Variants in CBX5 observed in about 807,000 individuals in gnomAD.
CBX5 encodes chromobox 5.
CBX5 carries 7 observed loss-of-function variants against 20.7 expected under a neutral mutation model. The observed-to-expected ratio is 0.34, with a 90% CI of 0.19 to 0.63. CBX5 has a LOEUF of 0.63. Ranked by LOEUF, CBX5 falls within the 30% of genes least tolerant of loss-of-function variation. CBX5 has a pLI of 0.75. For missense variants in CBX5, 110 were observed against 224.1 expected, an observed-to-expected ratio of 0.49 and a Z score of 3.25; for synonymous variants, 78 against 77.0, an observed-to-expected ratio of 1.01 and a Z score of -0.07.
chr12:54,279,707 G>T (rs370476462), intron 1 of CBX5, among the ~76,000 whole-genome samples: 5 of 152,162 alleles, frequency 3.3e-5, no homozygotes, highest in African/African-American at 9.7e-5. Context: ...TCAGTGAGAC[G>T]CTGCTCAGAA....
At chr12:54,261,052 A>G (rs891280805) in intron 1 of CBX5, among the ~76,000 whole-genome samples, 1 of 151,858 alleles carries the variant, frequency 6.6e-6, no homozygotes, top group African/African-American at 2.4e-5. Flanking sequence ...TTAGCCAGAC[A>G]TAGTAGCACT....
intron 2 of CBX5, among the ~76,000 whole-genome samples, chr12:54,255,130 A>G (rs1207994096): frequency 1.3e-5 from 2 of 152,186 alleles, no homozygotes; most frequent in Non-Finnish European, 2.9e-5. Flanking sequence ...GTATGATTTA[A>G]AAAGAGCCTG....
chr12:54,268,100 C>T (rs1020028998), intron 1 of CBX5, among the ~76,000 whole-genome samples: 1 of 152,082 alleles, frequency 6.6e-6, no homozygotes, highest in Non-Finnish European at 1.5e-5. Flanking sequence ...ACCAAGATTG[C>T]GCCATTGCAC....
At chr12:54,272,401 G>A (rs531961941) in intron 1 of CBX5, 1 of 152,110 alleles carries the variant, frequency 6.6e-6, no homozygotes, top group Non-Finnish European at 1.5e-5. Flanking sequence ...AGTCTGAAGA[G>A]TAAGACTGCA....
chr12:54,254,721 C>T (rs1436136175), intron 2 of CBX5, among the ~76,000 whole-genome samples: 2 of 151,944 alleles, frequency 1.3e-5, no homozygotes, highest in Non-Finnish European at 2.9e-5. Context: ...GGCGTGGTGG[C>T]GGGCGCCTGT....
At chr12:54,263,102 T>C (rs1943926311) in intron 1 of CBX5, among the ~76,000 whole-genome samples, 1 of 152,210 alleles carries the variant, frequency 6.6e-6, no homozygotes, top group Non-Finnish European at 1.5e-5. Flanking sequence ...GGCTCACGCC[T>C]GTAATCCCAG....
In CBX5 at chr12:54,231,101, C is replaced by T. The variant is rs865894292; in HGVS notation, c.*10654G>A. The T allele has an allele frequency of 1.3e-5, 2 of 151,924 alleles. No homozygotes were observed. The highest frequency in any genetic ancestry group is 2.9e-5 in the Non-Finnish European group (2 of 67,988). 9.4% of individuals were successfully genotyped at this position (151,924 alleles called of 1,614,324 possible). On this transcript the variant is annotated 3_prime_UTR_variant, in exon 5 of 5. Transcript: ENST00000209875. ...TAAACATTTACATTTAAAAGGTGAACATATATATAGACCACTTATACTTTA... is the reference window on the plus strand; with the variant it reads ...TAAACATTTACATTTAAAAGGTGAATATATATATAGACCACTTATACTTTA...
intron 1 of CBX5, among the ~76,000 whole-genome samples, chr12:54,276,068 G>GT (rs1944063496): frequency 6.8e-6 from 1 of 147,944 alleles, no homozygotes; most frequent in Admixed American, 6.8e-5. Flanking sequence ...TTTAAGCATT[G>GT]TGAGACTTCA....
intron 1 of CBX5, among the ~76,000 whole-genome samples, chr12:54,263,762 CAAAAAA>C (rs66591051): frequency 5.3e-5 from 2 of 37,894 alleles, no homozygotes; most frequent in South Asian, 9.0e-4. Flanking sequence ...GACTCTATCT[CAAAAAA>C]AAAAAAAAAA....
rs193164628 is a variant in CBX5 at position 54,248,695 on chromosome 12, A to G, written c.325-2480T>C. ...ACTGAAAACAGTTTGCTACATAGGGAGGGAAGAGGAGGCGAATGGAAGAAA... is the reference window on the plus strand; with the variant it reads ...ACTGAAAACAGTTTGCTACATAGGGGGGGAAGAGGAGGCGAATGGAAGAAA... On this transcript the variant is annotated intron_variant, in intron 3 of 4. Transcript: ENST00000209875. Among the ~76,000 whole-genome samples, 455 of 152,320 alleles carry G rather than the reference A, an allele frequency of 3.0e-3. 3 individuals are homozygous for G. Among genetic ancestry groups the G allele is most frequent in the Non-Finnish European group, 4.0e-3 (271 of 68,026 alleles).
At chr12:54,278,985 G>A (rs1944099073) in intron 1 of CBX5, 1 of 152,154 alleles carries the variant, frequency 6.6e-6, no homozygotes, top group South Asian at 2.1e-4. Flanking sequence ...ATTATGACTA[G>A]AAACACAAAA....
chr12:54,267,604 C>T (rs1416892845), intron 1 of CBX5, among the ~76,000 whole-genome samples: 1 of 151,998 alleles, frequency 6.6e-6, no homozygotes, highest in African/African-American at 2.4e-5. Flanking sequence ...CTCCATGTTC[C>T]GGGTTCATGC....
chr12:54,256,623 C>CTATAAAGTATAA (rs1491208535), intron 2 of CBX5, among the ~76,000 whole-genome samples: 24 of 152,204 alleles, frequency 1.6e-4, no homozygotes, highest in Admixed American at 8.5e-4. Context: ...AATGGAGATG[C>CTATAAAGTATAA]ACTATAAAGT....
In CBX5 at chr12:54,231,498, A is replaced by G. The variant is rs1943568639; in HGVS notation, c.*10257T>C. 6.5e-6 allele frequency: 1 copy of G among 154,682 alleles called. No homozygotes were observed. 9.6% of individuals were successfully genotyped at this position (154,682 alleles called of 1,614,324 possible). ...AGTCCACAAAACACAGAGAACCAGA[A>G]TGTGACCGCAAGGAGCCAGGACCTT... On this transcript the variant is annotated 3_prime_UTR_variant, in exon 5 of 5. Transcript: ENST00000209875.
chr12:54,279,147 A>G (rs980582648), intron 1 of CBX5: 1 of 152,240 alleles, frequency 6.6e-6, no homozygotes, highest in African/African-American at 2.4e-5. Flanking sequence ...TGGACCTACA[A>G]ACATATTTGT....
At chr12:54,263,618 G>A (rs1448249470) in intron 1 of CBX5, among the ~76,000 whole-genome samples, 1 of 151,458 alleles carries the variant, frequency 6.6e-6, no homozygotes, top group African/African-American at 2.4e-5. Context: ...CAGCTACTCG[G>A]GAGGCTGAGG....
intron 3 of CBX5, among the ~76,000 whole-genome samples, chr12:54,247,688 T>C (rs1274879625): frequency 2.6e-5 from 4 of 152,126 alleles, no homozygotes; most frequent in Admixed American, 2.6e-4. Context: ...AGGTAATTTT[T>C]TTTTTTAGAC....
intron 1 of CBX5, among the ~76,000 whole-genome samples, chr12:54,266,115 T>C (rs1271760158): frequency 6.7e-6 from 1 of 150,162 alleles, no homozygotes; most frequent in Non-Finnish European, 1.5e-5. Context: ...TTTTGTTCTT[T>C]TAGATAAAAA....
intron 3 of CBX5, among the ~76,000 whole-genome samples, chr12:54,248,542 G>C (rs1943760960): frequency 6.6e-6 from 1 of 152,186 alleles, no homozygotes; most frequent in Non-Finnish European, 1.5e-5. Context: ...GGATCAATGA[G>C]AGATACTGAC....
Sources: allele counts gnomAD v4.1 joint callset (sites outside exome capture counted in the v4.1 genomes callset), GRCh38; gene constraint gnomAD v4.1.1; transcripts MANE v1.5; gene names NCBI Gene and HGNC (gene_info 2026-07-23, HGNC 2026-07-21).